HHAT: variants seen among roughly 807,000 people sequenced by gnomAD.
The protein encoded by HHAT is hedgehog acyltransferase, also known as protein-cysteine N-palmitoyltransferase HHAT.
Under a neutral mutation model 70.8 loss-of-function variants are expected in HHAT, and 47 were observed. The ratio of observed to expected loss-of-function variants is 0.66; its 90% CI spans 0.53 to 0.85. HHAT has a LOEUF of 0.85. HHAT is among the 40% of genes least tolerant of loss of function. The pLI, the probability that HHAT is intolerant of heterozygous loss-of-function variation, is 0.00. For missense variants in HHAT, 609 were observed against 604.8 expected, an observed-to-expected ratio of 1.01 and a Z score of -0.07; for synonymous variants, 228 against 247.6, an observed-to-expected ratio of 0.92 and a Z score of 0.74.
At chr1:210,498,971 T>C (rs2094703122) in intron 8 of HHAT, among the ~76,000 whole-genome samples, 1 of 152,112 alleles carries the variant, frequency 6.6e-6, no homozygotes. Flanking sequence ...GGTTTCACCA[T>C]GTTGGCCAGG....
At chr1:210,335,381 G>A (rs868504487) in intron 1 of HHAT, among the ~76,000 whole-genome samples, 1 of 150,314 alleles carries the variant, frequency 6.7e-6, no homozygotes, top group Non-Finnish European at 1.5e-5. Context: ...AAATAACAGA[G>A]GGTAAGGTAT....
intron 9 of HHAT, among the ~76,000 whole-genome samples, chr1:210,559,196 T>C (rs1275141966): frequency 6.6e-6 from 1 of 152,228 alleles, no homozygotes; most frequent in Non-Finnish European, 1.5e-5. Flanking sequence ...TGCTTTATTG[T>C]ATTTTTAAAA....
At chr1:210,519,527 C>CT (rs35244381) in intron 9 of HHAT, among the ~76,000 whole-genome samples, 52,116 of 127,130 alleles carry the variant, frequency 0.41, 12,071 homozygotes, top group Non-Finnish European at 0.49. Flanking sequence ...ATTTTCTTTG[C>CT]TTTTTTTTTT....
intron 9 of HHAT, among the ~76,000 whole-genome samples, chr1:210,518,065 A>G (rs979935076): frequency 1.3e-5 from 2 of 152,198 alleles, no homozygotes; most frequent in Admixed American, 6.5e-5. Context: ...CATATTGGTC[A>G]TCTCATACAT....
rs1680962689 is a variant in HHAT, at chr1:210,675,555, C to T, written c.*1176C>T. 1 of 151,740 alleles carries T rather than the reference C, an allele frequency of 6.6e-6. No individual in the cohort carries two copies. The highest frequency in any genetic ancestry group is 1.5e-5 in the Non-Finnish European group (1 of 68,004). The allele number at this position is 151,740 out of a possible 1,614,324, so 9.4% of individuals were successfully genotyped here. On this transcript the variant is annotated 3_prime_UTR_variant, in exon 12 of 12. Transcript: ENST00000261458. ...CTAATTACAGGAGAATTTACAACAT[C>T]TCAAGTACGTAAATTAAGTTGTCAT...
chr1:210,548,468 A>G (rs1378903185), intron 9 of HHAT, among the ~76,000 whole-genome samples: 1 of 152,206 alleles, frequency 6.6e-6, no homozygotes, highest in Non-Finnish European at 1.5e-5. Context: ...GAATGGATGA[A>G]TCAGGTTCCA....
At chr1:210,365,309 G>GTTTTTTTTTTTTTTTTTTTTTTTT (rs4027290) in intron 3 of HHAT, among the ~76,000 whole-genome samples, 1 of 78,420 alleles carries the variant, frequency 1.3e-5, no homozygotes, top group African/African-American at 5.2e-5. Flanking sequence ...ACTGCTGACA[G>GTTTTTTTTTTTTTTTTTTTTTTTT]TTTTTTTTTT....
At chr1:210,359,783 C>G (rs1278622799) in intron 2 of HHAT, among the ~76,000 whole-genome samples, 2 of 152,082 alleles carry the variant, frequency 1.3e-5, no homozygotes, top group African/African-American at 4.8e-5. Flanking sequence ...AGAAGAATCA[C>G]TTGCACCCAG....
At chr1:210,359,370 A>G (rs545631598) in intron 2 of HHAT, among the ~76,000 whole-genome samples, 36 of 152,320 alleles carry the variant, frequency 2.4e-4, no homozygotes, top group African/African-American at 8.4e-4. Context: ...TAGAGGCCAC[A>G]AGATTCTAAA....
intron 8 of HHAT, among the ~76,000 whole-genome samples, chr1:210,488,549 C>T (rs2094505768): frequency 6.6e-6 from 1 of 152,150 alleles, no homozygotes; most frequent in African/African-American, 2.4e-5. Flanking sequence ...TGCCTAGCAC[C>T]CAGTAGCTGT....
chr1:210,592,194 A>T (rs1300324334), intron 10 of HHAT, among the ~76,000 whole-genome samples: 1 of 151,752 alleles, frequency 6.6e-6, no homozygotes, highest in Non-Finnish European at 1.5e-5. Flanking sequence ...GTTCATTTTG[A>T]TTTGATTTTT....
At chr1:210,546,037 G>C (rs1468110944) in intron 9 of HHAT, among the ~76,000 whole-genome samples, 1 of 152,160 alleles carries the variant, frequency 6.6e-6, no homozygotes, top group African/African-American at 2.4e-5. Context: ...TCATACTACA[G>C]CTTTTTTCCT....
At chr1:210,435,131 G>A (rs940936714) in intron 7 of HHAT, among the ~76,000 whole-genome samples, 1 of 151,678 alleles carries the variant, frequency 6.6e-6, no homozygotes, top group African/African-American at 2.4e-5. Context: ...CTCCCCTCCT[G>A]CTTTCCCTTC....
intron 11 of HHAT, among the ~76,000 whole-genome samples, chr1:210,665,301 AAG>A (rs1678662779): frequency 6.6e-6 from 1 of 152,222 alleles, no homozygotes; most frequent in Non-Finnish European, 1.5e-5. Flanking sequence ...TTTGACCAAG[AAG>A]AGTTTGTCTT....
intron 8 of HHAT, among the ~76,000 whole-genome samples, chr1:210,491,826 G>A (rs772750061): frequency 3.3e-5 from 5 of 152,066 alleles, no homozygotes; most frequent in African/African-American, 7.2e-5. Flanking sequence ...GCAGTGGCCC[G>A]ATCTCAGCTC....
chr1:210,412,613 T>C (rs1178629405), intron 6 of HHAT, among the ~76,000 whole-genome samples: 1 of 152,208 alleles, frequency 6.6e-6, no homozygotes, highest in Admixed American at 6.5e-5. Flanking sequence ...AATCATCATG[T>C]TTGGCTCATT....
chr1:210,602,531 T>C (rs1047336873), intron 10 of HHAT, among the ~76,000 whole-genome samples: 1 of 152,094 alleles, frequency 6.6e-6, no homozygotes, highest in Non-Finnish European at 1.5e-5. Context: ...GTCACGAGGC[T>C]GCCAAGACAA....
chr1:210,408,561 G>T (rs774121523), intron 6 of HHAT, among the ~76,000 whole-genome samples: 1 of 152,112 alleles, frequency 6.6e-6, no homozygotes. Context: ...TGAGACCCTG[G>T]GTATCCAGTC....
intron 3 of HHAT, among the ~76,000 whole-genome samples, chr1:210,376,354 A>G (rs1250397196): frequency 3.3e-5 from 5 of 151,920 alleles, no homozygotes. Context: ...ACCATTCACA[A>G]TCCCCTTACA....
Sources: gnomAD v4.1 joint callset for allele counts (sites outside exome capture counted in the v4.1 genomes callset) on GRCh38, gnomAD v4.1.1 for gene constraint, MANE v1.5 for transcripts, NCBI Gene and HGNC (gene_info 2026-07-23, HGNC 2026-07-21) for gene names.